Variants in GPRC5C observed in about 807,000 individuals in gnomAD.
GPRC5C encodes G protein-coupled receptor family C group 5 member C.
A neutral mutation model predicts 31.4 loss-of-function variants in GPRC5C; 22 were observed. The ratio of observed to expected loss-of-function variants is 0.70; its 90% CI spans 0.50 to 1.00. GPRC5C has a LOEUF of 1.00. GPRC5C is among the 50% of genes least tolerant of loss of function. The probability of loss-of-function intolerance (pLI) is 0.00; values close to 1 mark genes in which losing one functional copy is unlikely to be tolerated. For synonymous variants in GPRC5C, 249 were observed against 257.5 expected (o/e 0.97, Z 0.32); for missense variants, 557 against 597.2 (o/e 0.93, Z 0.70).
Position 74,440,234 on chromosome 17 carries a change from G to A in GPRC5C, c.458G>A (p.Gly153Asp), listed in dbSNP as rs1390685721. The A allele has an allele frequency of 1.9e-6, 3 of 1,614,110 alleles. No homozygotes were observed. Among genetic ancestry groups the A allele is most frequent in the South Asian group, 2.2e-5 (2 of 91,092 alleles). ...GCCCGGAAGAACCACGGGCCCCGGG[G>A]CTGGGTGATCTTCACTGTGGCTCTG... ...FLARKNHGPR[G>D]WVIFTVALLL... is the part of the protein sequence containing the mutation. The change falls in exon 2 of 4, where the codon GGC (glycine) becomes GAC (aspartate). Residue 153 changes from glycine (G) to aspartate (D), a missense_variant. Coordinates refer to ENST00000392627, the MANE Select transcript of GPRC5C (RefSeq NM_022036.4). The surrounding 1 kb of genome is among the most constrained non-coding windows in gnomAD (Gnocchi z 4.4).
intron 1 of GPRC5C, chr17:74,433,745 C>A: frequency 6.2e-7 from 1 of 1,612,488 alleles, no homozygotes; most frequent in Non-Finnish European, 8.5e-7. Flanking sequence ...TTGAAGACAG[C>A]CATTGGCCAT....
rs992055312 is a variant in GPRC5C at position 74,432,202 on chromosome 17, C to T, written c.-33+61C>T. ...TCCTGTGTAAACGGAGCGCACGTAC[C>T]TGGAGCGCGGCGGGCGCCCGATTAG... On this transcript the variant is annotated intron_variant, in intron 1 of 3. Coordinates refer to ENST00000392627, the MANE Select transcript of GPRC5C (RefSeq NM_022036.4). 3.1e-5 allele frequency: 48 copies of T among 1,567,620 alleles called. No individual in the cohort carries two copies. The African/African-American group carries it at 5.6e-4, about 18-fold the overall frequency.
At chr17:74,444,441 C>A (rs2055594726) in intron 3 of GPRC5C, among the ~76,000 whole-genome samples, 1 of 152,176 alleles carries the variant, frequency 6.6e-6, no homozygotes, top group South Asian at 2.1e-4. Context: ...GCATCGTTAG[C>A]CAGGGGAGGG....
At position 74,432,125 on chromosome 17, in the gene GPRC5C, G is replaced by A. The variant is rs770793381; in HGVS notation, c.-49G>A. The A allele has an allele frequency of 1.2e-6, 2 of 1,613,162 alleles. No homozygotes were observed. The highest frequency in any genetic ancestry group is 2.7e-5 in the African/African-American group (2 of 74,930). On this transcript the variant is annotated 5_prime_UTR_variant, in exon 1 of 4. Coordinates refer to ENST00000392627, the MANE Select transcript of GPRC5C (RefSeq NM_022036.4). The stretch of plus-strand genomic sequence containing the variant: ...CTCCCTCACCAGCCGGAAAGTACGA[G>A]TCGGCTCAGCCTGGAGGTGAGTCGG...
At chr17:74,442,570 C>T (rs2055557276) in intron 2 of GPRC5C, among the ~76,000 whole-genome samples, 1 of 152,212 alleles carries the variant, frequency 6.6e-6, no homozygotes, top group Admixed American at 6.5e-5. Context: ...ATCTGGAGGC[C>T]TGGGGGCTTC....
chr17:74,437,581 T>G (rs970225688), intron 1 of GPRC5C, among the ~76,000 whole-genome samples: 1 of 151,932 alleles, frequency 6.6e-6, no homozygotes, highest in African/African-American at 2.4e-5. Context: ...ATGAGTTGCA[T>G]TGCCCCTGAT....
In GPRC5C at chr17:74,440,810, T is replaced by C. The variant is rs764217298; in HGVS notation, c.1034T>C (p.Met345Thr). The C allele has an allele frequency of 3.4e-6, 5 of 1,488,156 alleles. No homozygotes were observed. Among genetic ancestry groups the C allele is most frequent in the Non-Finnish European group, 3.6e-6 (4 of 1,112,582 alleles). The allele number at this position is 1,488,156 out of a possible 1,614,324, so 92.2% of individuals were successfully genotyped here. The change falls in exon 2 of 4, where the codon ATG becomes ACG. Residue 345 changes from methionine to threonine, a missense_variant. Met to Thr is a moderately conservative substitution (Grantham distance 81). Transcript: ENST00000392627. This position sits in a 1 kb window ranked among gnomAD's most constrained non-coding sequence, Gnocchi z 4.4. ...TTCGTGGAGAACAAGGCCTTTTCCATGGATGAGCCGGTTGCAGGTGGGTCT... is the reference window on the plus strand; with the variant it reads ...TTCGTGGAGAACAAGGCCTTTTCCACGGATGAGCCGGTTGCAGGTGGGTCT... ...SMFVENKAFSMDEPVAAKRPV... is the reference protein window; with the variant it reads ...SMFVENKAFSTDEPVAAKRPV...
rs148628712 is a variant in GPRC5C at position 74,440,421 on chromosome 17, C to T, written c.645C>T (p.Tyr215=). 1.8e-4 allele frequency: 291 copies of T among 1,614,040 alleles called. 1 individual carries two copies. Among genetic ancestry groups the T allele is most frequent in the Admixed American group, 3.8e-4 (23 of 60,034 alleles). Residue 215 remains tyrosine, a synonymous_variant, in exon 2 of 4, where the codon TAC becomes TAT. Transcript: ENST00000392627. This position sits in a 1 kb window ranked among gnomAD's most constrained non-coding sequence, Gnocchi z 4.4. ...TGGACTTTGTCATGGCACTCATCTA[C>T]GTCATGCTGCTGCTGCTGGGTGCCT... The part of the protein sequence containing the change: ...ANMDFVMALI[Y]VMLLLLGAFL...
At chr17:74,444,714 AGAG>A (rs1206528326) in intron 3 of GPRC5C, among the ~76,000 whole-genome samples, 1 of 152,134 alleles carries the variant, frequency 6.6e-6, no homozygotes, top group African/African-American at 2.4e-5. Context: ...GAGCCTGGGC[AGAG>A]GAGAGCTTCC....
chr17:74,450,933 C>T (rs1265757569), downstream of GPRC5C: 1 of 152,220 alleles, frequency 6.6e-6, no homozygotes, highest in African/African-American at 2.4e-5. Flanking sequence ...GTAGTCAGTC[C>T]CACAGCTCTC....
At chr17:74,448,545 CT>C (rs368311847), downstream of GPRC5C, among the ~76,000 whole-genome samples, 145 of 152,072 alleles carry the variant, frequency 9.5e-4, 1 homozygote, top group African/African-American at 3.2e-3. Context: ...ACCTGGCTAA[CT>C]TTTTGTATTT....
rs1480231857 is a variant in GPRC5C at position 74,440,651 on chromosome 17, T to C, written c.875T>C (p.Val292Ala). Residue 292 changes from valine (V) to alanine (A), a missense_variant, in exon 2 of 4, where the codon GTC (valine) becomes GCC (alanine). Physicochemically the swap from Val to Ala is moderately conservative, Grantham distance 64 (BLOSUM62 0). Transcript: ENST00000392627. The surrounding 1 kb of genome is among the most constrained non-coding windows in gnomAD (Gnocchi z 4.4). ...IALAANAWAF[V>A]LFYVIPEVSQ... ...CTCGCCGCCAATGCCTGGGCCTTCG[T>C]CCTCTTCTACGTCATCCCCGAGGTC... 1.9e-6 allele frequency: 3 copies of C among 1,608,204 alleles called. No individual in the cohort carries two copies. Among genetic ancestry groups the C allele is most frequent in the Non-Finnish European group, 2.6e-6 (3 of 1,175,196 alleles).
At chr17:74,432,382 G>C (rs1471832754) in intron 1 of GPRC5C, 1 of 1,311,188 alleles carries the variant, frequency 7.6e-7, no homozygotes, top group Non-Finnish European at 9.7e-7. Flanking sequence ...CCTGCGTCCC[G>C]GCCCGGGCCC....
downstream of GPRC5C, chr17:74,450,003 G>C (rs2055697724): frequency 6.6e-6 from 1 of 152,390 alleles, no homozygotes; most frequent in African/African-American, 2.4e-5. Flanking sequence ...GAGCCCTTGG[G>C]GTGTTTCACT....
downstream of GPRC5C, chr17:74,449,583 G>C (rs958964094): frequency 3.2e-5 from 9 of 283,576 alleles, no homozygotes; most frequent in Non-Finnish European, 6.4e-5. Context: ...CCATCTTCCT[G>C]GTCCCCAGGT....
At position 74,440,514 on chromosome 17, in the gene GPRC5C, C is replaced by A; in HGVS notation, c.738C>A (p.Leu246=). The part of the protein sequence containing the change: ...KRWRKHGVFV[L]LTTATSVAIW... ...GGCGTAAGCATGGGGTCTTTGTGCTCCTCACCACAGCCACCTCCGTTGCCA... is the reference window on the plus strand; with the variant it reads ...GGCGTAAGCATGGGGTCTTTGTGCTACTCACCACAGCCACCTCCGTTGCCA... Residue 246 remains leucine (L), a synonymous_variant, in exon 2 of 4, where the codon CTC becomes CTA. Transcript: ENST00000392627. This position sits in a 1 kb window ranked among gnomAD's most constrained non-coding sequence, Gnocchi z 4.4. 1.2e-6 allele frequency: 2 copies of A among 1,614,164 alleles called. No individual in the cohort carries two copies. The highest frequency in any genetic ancestry group is 1.7e-6 in the Non-Finnish European group (2 of 1,180,032).
chr17:74,437,700 G>C (rs1347411940), intron 1 of GPRC5C, among the ~76,000 whole-genome samples: 4 of 145,708 alleles, frequency 2.7e-5, no homozygotes, highest in Non-Finnish European at 5.9e-5. Context: ...TAGGGCTTTT[G>C]TTTGCCTATT....
chr17:74,448,935 G>A, downstream of GPRC5C: 4 of 1,272,014 alleles, frequency 3.1e-6, no homozygotes, highest in Non-Finnish European at 4.1e-6. Flanking sequence ...TCCAGTGGGT[G>A]GCACTTCCAG....
Position 74,439,964 on chromosome 17 carries a change from C to T in GPRC5C, c.188C>T (p.Thr63Ile). The change falls in exon 2 of 4, where the codon ACC (threonine) becomes ATC (isoleucine). Residue 63 changes from threonine to isoleucine, a missense_variant. By Grantham distance (89) the Thr-to-Ile change is moderately conservative. Coordinates refer to ENST00000392627, the MANE Select transcript of GPRC5C (RefSeq NM_022036.4). ...GCCGTGGCTGGGGCGGGCATTGTCACCACGTTTGTGCTCACCATCATCCTG... is the reference window on the plus strand; with the variant it reads ...GCCGTGGCTGGGGCGGGCATTGTCATCACGTTTGTGCTCACCATCATCCTG... ...LEAVAGAGIV[T>I]TFVLTIILVA... The T allele has an allele frequency of 1.2e-6, 2 of 1,610,514 alleles. No homozygotes were observed. Among genetic ancestry groups the T allele is most frequent in the Non-Finnish European group, 1.7e-6 (2 of 1,180,020 alleles).
Sources: allele counts gnomAD v4.1 joint callset (sites outside exome capture counted in the v4.1 genomes callset), GRCh38; gene constraint gnomAD v4.1.1; non-coding constraint Gnocchi (gnomAD v3.1); transcripts MANE v1.5; gene names NCBI Gene and HGNC (gene_info 2026-07-23, HGNC 2026-07-21).